RBM43: variants seen among roughly 807,000 people sequenced by gnomAD.
RBM43 encodes RNA-binding protein 43.
In RBM43, 12 loss-of-function variants were observed where a neutral mutation model predicts 12.4. The observed-to-expected ratio is 0.97, with a 90% CI of 0.62 to 1.57. The LOEUF (loss-of-function observed/expected upper bound fraction) is 1.57. Among genes scored for constraint, RBM43 ranks in the 40% most tolerant of loss-of-function variants. The pLI, the probability that RBM43 is intolerant of heterozygous loss-of-function variation, is 0.00. For synonymous variants in RBM43, 138 were observed against 145.7 expected (o/e 0.95, Z 0.38); for missense variants, 348 against 400.1 (o/e 0.87, Z 1.11).
intron 2 of RBM43, among the ~76,000 whole-genome samples, chr2:151,255,130 T>C (rs749971255): frequency 4.6e-5 from 7 of 152,160 alleles, no homozygotes; most frequent in Non-Finnish European, 8.8e-5. Flanking sequence ...TTAAAGTTAC[T>C]TTAGCCAGGC....
intron 1 of RBM43, among the ~76,000 whole-genome samples, chr2:151,260,472 A>G (rs1424903448): frequency 1.3e-5 from 2 of 152,212 alleles, no homozygotes; most frequent in Admixed American, 6.5e-5. Flanking sequence ...CTTCAGCTCT[A>G]TGCCCTCATT....
Position 151,248,002 on chromosome 2 carries a change from C to T in RBM43, c.*2904G>A, listed in dbSNP as rs1682842582. ...TGATATAGTAAAACACGTAAATTCA[C>T]CAGTTTATAAAAATGATTAGATGCA... On this transcript the variant is annotated 3_prime_UTR_variant, in exon 4 of 4. Transcript: ENST00000331426. 6.6e-6 allele frequency: 1 copy of T among 152,066 alleles called. No individual in the cohort carries two copies. The highest frequency in any genetic ancestry group is 6.6e-5 in the Admixed American group (1 of 15,260). The allele number at this position is 152,066 out of a possible 1,614,324, so 9.4% of individuals were successfully genotyped here.
At chr2:151,257,327 C>CACAA (rs1682987795) in intron 1 of RBM43, among the ~76,000 whole-genome samples, 3 of 151,778 alleles carry the variant, frequency 2.0e-5, no homozygotes, top group Admixed American at 6.6e-5. Flanking sequence ...CACACACACA[C>CACAA]ACACAAACAC....
chr2:151,251,965 T>C (rs1385020573), intron 3 of RBM43, among the ~76,000 whole-genome samples: 1 of 152,218 alleles, frequency 6.6e-6, no homozygotes, highest in Non-Finnish European at 1.5e-5. Flanking sequence ...CAAACTGTTC[T>C]GGTTCTGCTT....
intron 1 of RBM43, among the ~76,000 whole-genome samples, chr2:151,256,365 T>C (rs947937383): frequency 1.3e-5 from 2 of 152,092 alleles, no homozygotes; most frequent in African/African-American, 4.8e-5. Context: ...AAACATAAAT[T>C]TAAAAATTTA....
In RBM43 at chr2:151,250,906, TTAAC is replaced by T; in HGVS notation, c.1070_1073del (p.Ser357AsnfsTer7). On this transcript the variant is annotated frameshift_variant and stop_lost, in exon 4 of 4. Transcript: ENST00000331426. LOFTEE classifies it high-confidence loss of function. Reference sequence around the variant, plus strand: ...TTATGACTATATTGCTGAGATTTTATTAACTAACCTTTTGCCCTATTAATTTCAT... The same window carrying T: ...TTATGACTATATTGCTGAGATTTTATTAACCTTTTGCCCTATTAATTTCAT... 1 of 1,580,606 alleles carries T rather than the reference TTAAC, an allele frequency of 6.3e-7. No homozygotes were observed. Among genetic ancestry groups the T allele is most frequent in the Non-Finnish European group, 8.6e-7 (1 of 1,164,098 alleles).
At position 151,252,746 on chromosome 2, in the gene RBM43, A is replaced by T. The variant is rs1398747380; in HGVS notation, c.315+9T>A. ...GGACTATCAGTACACCTACAGCATC[A>T]CACCTTACCTTGTCACCAAAATGAG... On this transcript the variant is annotated intron_variant, in intron 3 of 3. Transcript: ENST00000331426. 1 of 1,500,566 alleles carries T rather than the reference A, an allele frequency of 6.7e-7. No individual in the cohort carries two copies. The highest frequency in any genetic ancestry group is 9.3e-7 in the Non-Finnish European group (1 of 1,077,662). 93.0% of individuals were successfully genotyped at this position (1,500,566 alleles called of 1,614,324 possible).
At chr2:151,258,000 C>T (rs114997012) in intron 1 of RBM43, among the ~76,000 whole-genome samples, 2,172 of 151,872 alleles carry the variant, frequency 0.014, 50 homozygotes, top group African/African-American at 0.05. Context: ...ACCAGGGAGG[C>T]GGATGTTGCA....
intron 2 of RBM43, among the ~76,000 whole-genome samples, chr2:151,255,101 C>T (rs1034017613): frequency 7.9e-5 from 12 of 152,014 alleles, no homozygotes; most frequent in Middle Eastern, 6.8e-3. Flanking sequence ...TTTGTATATT[C>T]ACAATAAAAT....
chr2:151,254,313 C>A (rs1333687193), intron 2 of RBM43, among the ~76,000 whole-genome samples: 1 of 152,112 alleles, frequency 6.6e-6, no homozygotes, highest in African/African-American at 2.4e-5. Flanking sequence ...CTCTTTCTCT[C>A]TCTCTCTGTC....
chr2:151,253,432 C>A (rs573212264), intron 2 of RBM43, among the ~76,000 whole-genome samples: 6 of 152,134 alleles, frequency 3.9e-5, no homozygotes, highest in Non-Finnish European at 7.3e-5. Flanking sequence ...ACCTCATTAT[C>A]CTAATAGGCA....
rs375443636 is a variant in RBM43, at chr2:151,251,255, T to C, written c.725A>G (p.Lys242Arg). 24 of 1,613,774 alleles carry C rather than the reference T, an allele frequency of 1.5e-5. No homozygotes were observed. Among genetic ancestry groups the C allele is most frequent in the Admixed American group, 1.7e-5 (1 of 59,974 alleles). ...HKCGSYESTL[K>R]KFHILSQEKV... The stretch of plus-strand genomic sequence containing the variant: ...CTCCTGACTCAGAATGTGGAATTTT[T>C]TCAGTGTGCTTTCATAAGATCCACA... The change falls in exon 4 of 4, where the codon AAA (lysine) becomes AGA (arginine). Residue 242 changes from lysine to arginine, a missense_variant. Transcript: ENST00000331426.
At chr2:151,261,626 C>A (rs991104983) in intron 1 of RBM43, 99 bp downstream of exon 1, 1 of 1,550,258 alleles carries the variant, frequency 6.5e-7, no homozygotes, top group Non-Finnish European at 8.7e-7. Context: ...CAGCCCTGCA[C>A]CCTGGCCCGT....
At chr2:151,261,091 T>C (rs998741353) in intron 1 of RBM43, 8 of 798,886 alleles carry the variant, frequency 1.0e-5, no homozygotes, top group South Asian at 3.9e-5. Context: ...TCCGGGACTC[T>C]AGCATTTCAG....
At chr2:151,259,768 C>T (rs1430807601) in intron 1 of RBM43, among the ~76,000 whole-genome samples, 1 of 152,138 alleles carries the variant, frequency 6.6e-6, no homozygotes, top group Non-Finnish European at 1.5e-5. Context: ...TAAAGAAAAA[C>T]TTTATTTTTC....
In RBM43 at chr2:151,249,190, T is replaced by C. The variant is rs1682859327; in HGVS notation, c.*1716A>G. The C allele has an allele frequency of 6.6e-6, 1 of 152,074 alleles. No homozygotes were observed. The highest frequency in any genetic ancestry group is 2.4e-5 in the African/African-American group (1 of 41,396). 9.4% of individuals were successfully genotyped at this position (152,074 alleles called of 1,614,324 possible). ...GGCCAATGATTCTCCATGAGGTGAGTCAGCTTTGTATCCCACTTCTGACAC... is the reference window on the plus strand; with the variant it reads ...GGCCAATGATTCTCCATGAGGTGAGCCAGCTTTGTATCCCACTTCTGACAC... On this transcript the variant is annotated 3_prime_UTR_variant, in exon 4 of 4. Transcript: ENST00000331426.
rs1169435482 is a variant in RBM43 at position 151,249,937 on chromosome 2, T to C, written c.*969A>G. On this transcript the variant is annotated 3_prime_UTR_variant, in exon 4 of 4. Coordinates refer to ENST00000331426, the MANE Select transcript of RBM43 (RefSeq NM_198557.3). ...CCCTAGCTTCTTGAGTCTGTTTTAG[T>C]TGGATGTGACAAGAATGACTCAATT... 6.6e-6 allele frequency: 1 copy of C among 152,184 alleles called. No individual in the cohort carries two copies. The highest frequency in any genetic ancestry group is 2.4e-5 in the African/African-American group (1 of 41,434). The allele number at this position is 152,184 out of a possible 1,614,324, so 9.4% of individuals were successfully genotyped here. A position where few individuals can be genotyped will look rare whatever the true frequency, so the allele number is the denominator to read the frequency against.
At chr2:151,253,442 A>C (rs1187463327) in intron 2 of RBM43, among the ~76,000 whole-genome samples, 1 of 152,128 alleles carries the variant, frequency 6.6e-6, no homozygotes, top group Non-Finnish European at 1.5e-5. Context: ...CCTAATAGGC[A>C]TCTCATTGAC....
chr2:151,261,542 T>C, intron 1 of RBM43, 183 bp downstream of exon 1: 1 of 1,545,662 alleles, frequency 6.5e-7, no homozygotes, highest in Non-Finnish European at 8.7e-7. Flanking sequence ...GACCTGAGTT[T>C]GCCCGCCGGG....
Sources: allele counts gnomAD v4.1 joint callset (sites outside exome capture counted in the v4.1 genomes callset), GRCh38; gene constraint gnomAD v4.1.1; transcripts MANE v1.5; gene names NCBI Gene and HGNC (gene_info 2026-07-23, HGNC 2026-07-21).